Variants in DCDC2 observed in about 807,000 individuals in gnomAD.
DCDC2 encodes doublecortin domain-containing protein 2.
DCDC2 carries 40 observed loss-of-function variants against 50.2 expected under a neutral mutation model. The observed-to-expected ratio is 0.80, with a 90% CI of 0.62 to 1.04. The LOEUF is 1.04. DCDC2 is among the 50% of genes least tolerant of loss of function. DCDC2 has a pLI of 0.00. For synonymous variants in DCDC2, 234 were observed against 210.6 expected (o/e 1.11, Z -0.96); for missense variants, 570 against 581.9 (o/e 0.98, Z 0.21).
intron 7 of DCDC2, among the ~76,000 whole-genome samples, chr6:24,230,691 T>C (rs562380288): frequency 6.6e-6 from 1 of 152,156 alleles, no homozygotes; most frequent in Admixed American, 6.5e-5. Flanking sequence ...AGCTTGAGGA[T>C]TGGATATCAG....
intron 7 of DCDC2, among the ~76,000 whole-genome samples, chr6:24,238,683 C>A (rs191233735): frequency 1.3e-5 from 2 of 152,276 alleles, no homozygotes; most frequent in Non-Finnish European, 2.9e-5. Flanking sequence ...CTGAAAGAAT[C>A]AGGATGTTTT....
intron 2 of DCDC2, among the ~76,000 whole-genome samples, chr6:24,351,440 A>T (rs900578028): frequency 6.6e-6 from 1 of 152,202 alleles, no homozygotes; most frequent in African/African-American, 2.4e-5. Flanking sequence ...ATGGACAAGC[A>T]GTTTCTGAAC....
intron 2 of DCDC2, among the ~76,000 whole-genome samples, chr6:24,306,539 T>TAGAC (rs1276949309): frequency 0.14 from 14,737 of 106,700 alleles, 935 homozygotes; most frequent in Non-Finnish European, 0.18. Flanking sequence ...GATAGATAGA[T>TAGAC]AGATAGACAG....
intron 2 of DCDC2, among the ~76,000 whole-genome samples, chr6:24,333,716 C>T (rs1350693641): frequency 6.6e-6 from 1 of 152,096 alleles, no homozygotes; most frequent in Admixed American, 6.6e-5. Context: ...GTAACAGGAT[C>T]AGATTAGTGT....
intron 7 of DCDC2, among the ~76,000 whole-genome samples, chr6:24,205,862 C>T (rs6456600): frequency 1 from 152,300 of 152,300 alleles, 76,150 homozygotes; most frequent in Non-Finnish European, 1. Flanking sequence ...TCATTCTGTC[C>T]ATCTACTTGC....
chr6:24,350,637 AT>A (rs1177135406), intron 2 of DCDC2, among the ~76,000 whole-genome samples: 6 of 151,926 alleles, frequency 3.9e-5, no homozygotes, highest in Non-Finnish European at 5.9e-5. Context: ...ACATTTTTGA[AT>A]TTTTTTGTGC....
In DCDC2 at chr6:24,291,065, C is replaced by A. The variant is rs1763733762; in HGVS notation, c.571G>T (p.Glu191Ter). Residue 191 changes from glutamate to a stop codon, truncating the protein, a stop_gained, in exon 5 of 10, where the codon GAA becomes TAA. Coordinates refer to ENST00000378454, the MANE Select transcript of DCDC2 (RefSeq NM_016356.5). LOFTEE classifies it high-confidence loss of function. ...SGAVHRLYTLEGKLVESGAEL... is the reference protein window; with the variant it reads ...SGAVHRLYTL ...GCTCCACTCTCAACAAGTTTTCCTT[C>A]TAAAGTATAAAGCCTGTCGAAAATA... 1 of 1,612,610 alleles carries A rather than the reference C, an allele frequency of 6.2e-7. No homozygotes were observed. The highest frequency in any genetic ancestry group is 1.3e-5 in the African/African-American group (1 of 74,872).
intron 9 of DCDC2, among the ~76,000 whole-genome samples, chr6:24,176,221 G>C (rs527306114): frequency 1.3e-5 from 2 of 152,054 alleles, no homozygotes; most frequent in African/African-American, 4.8e-5. Context: ...ACTTGAGCCC[G>C]GGAGGTCAAA....
chr6:24,321,797 G>A (rs1759778534), intron 2 of DCDC2, among the ~76,000 whole-genome samples: 1 of 152,186 alleles, frequency 6.6e-6, no homozygotes, highest in Non-Finnish European at 1.5e-5. Context: ...ATAAAGACAT[G>A]AGACGTTTGT....
At chr6:24,279,026 T>C (rs1283005353) in intron 6 of DCDC2, among the ~76,000 whole-genome samples, 1 of 152,166 alleles carries the variant, frequency 6.6e-6, no homozygotes, top group African/African-American at 2.4e-5. Context: ...CTGGTCCCCA[T>C]GTGTCTCTCA....
Position 24,310,125 on chromosome 6 carries a change from C to T in DCDC2, c.349-8081G>A, listed in dbSNP as rs1468322678. 8.3e-4 allele frequency among the ~76,000 whole-genome samples: 126 copies of T among 152,156 alleles called. 4 individuals are homozygous for T. The highest frequency in any genetic ancestry group is 2.9e-5 in the Non-Finnish European group (2 of 68,016). ...AATATCCATTTTCTTGATTAATTTTCATAGTAGATTTGTATTAAAGTGTTT... is the reference window on the plus strand; with the variant it reads ...AATATCCATTTTCTTGATTAATTTTTATAGTAGATTTGTATTAAAGTGTTT... On this transcript the variant is annotated intron_variant, in intron 2 of 9. Coordinates refer to ENST00000378454, the MANE Select transcript of DCDC2 (RefSeq NM_016356.5).
chr6:24,261,397 G>C (rs763072235), intron 7 of DCDC2, among the ~76,000 whole-genome samples: 5 of 152,006 alleles, frequency 3.3e-5, no homozygotes, highest in Non-Finnish European at 7.4e-5. Flanking sequence ...TCTACCTCAA[G>C]TTCCTGAGTT....
intron 4 of DCDC2, among the ~76,000 whole-genome samples, chr6:24,300,850 G>A (rs1581640054): frequency 6.6e-6 from 1 of 152,076 alleles, no homozygotes; most frequent in East Asian, 1.9e-4. Context: ...TAATTTCATA[G>A]GCTTCACAAT....
At chr6:24,223,132 T>C (rs1022881485) in intron 7 of DCDC2, among the ~76,000 whole-genome samples, 2 of 152,212 alleles carry the variant, frequency 1.3e-5, no homozygotes, top group Admixed American at 1.3e-4. Context: ...AAAAAGCTAT[T>C]AAGATGAAGC....
intron 7 of DCDC2, among the ~76,000 whole-genome samples, chr6:24,268,187 T>C (rs1475522574): frequency 1.3e-5 from 2 of 152,180 alleles, no homozygotes; most frequent in Non-Finnish European, 2.9e-5. Context: ...GAAGCATATA[T>C]TAAAAGTACA....
chr6:24,324,027 A>G (rs1447756857), intron 2 of DCDC2, among the ~76,000 whole-genome samples: 2 of 152,184 alleles, frequency 1.3e-5, no homozygotes, highest in Non-Finnish European at 2.9e-5. Context: ...CAAGCTTATT[A>G]GCTCAGAACA....
At position 24,278,051 on chromosome 6, in the gene DCDC2, C is replaced by T. The variant is rs1581627115; in HGVS notation, c.920G>A (p.Ser307Asn). 3 of 1,607,686 alleles carry T rather than the reference C, an allele frequency of 1.9e-6. No homozygotes were observed. Among genetic ancestry groups the T allele is most frequent in the East Asian group, 2.2e-5 (1 of 44,834 alleles). ...LKNSQETIPN[S>N]DEGIFKAGAE... Reference sequence around the variant, plus strand: ...TAAGATAATAATAACACACTTACCACTATTTGGAATGGTTTCTTGTGAATT... The same window carrying T: ...TAAGATAATAATAACACACTTACCATTATTTGGAATGGTTTCTTGTGAATT... Residue 307 changes from serine to asparagine, a missense_variant and splice_region_variant, in exon 7 of 10, where the codon AGT becomes AAT. Physicochemically the swap from Ser to Asn is conservative, Grantham distance 46 (BLOSUM62 1). Transcript: ENST00000378454.
upstream of DCDC2, among the ~76,000 whole-genome samples, chr6:24,361,123 C>T (rs919151763): frequency 6.6e-6 from 1 of 151,962 alleles, no homozygotes; most frequent in Admixed American, 6.5e-5. Context: ...TTATTAAAGC[C>T]ATGTAATACA....
rs369446487 is a variant in DCDC2 at position 24,288,843 on chromosome 6, G to C, written c.759+9C>G. The C allele has an allele frequency of 8.7e-6, 14 of 1,608,406 alleles. No individual in the cohort carries two copies. Among genetic ancestry groups the C allele is most frequent in the Non-Finnish European group, 1.1e-5 (13 of 1,175,264 alleles). On this transcript the variant is annotated intron_variant, in intron 6 of 9. Transcript: ENST00000378454. ...TAGAACATCAACGAGGAAAGCATCT[G>C]ATACTTACACTCCCTTTAGACTTTC... is the stretch of plus-strand genomic sequence containing the variant.
Sources: allele counts gnomAD v4.1 joint callset (sites outside exome capture counted in the v4.1 genomes callset), GRCh38; gene constraint gnomAD v4.1.1; transcripts MANE v1.5; gene names NCBI Gene and HGNC (gene_info 2026-07-23, HGNC 2026-07-21).